Variants in PRKD1 observed in about 807,000 individuals in gnomAD.
PRKD1 encodes protein kinase D1.
PRKD1 carries 63 observed loss-of-function variants against 95.9 expected under a neutral mutation model. That is an observed-to-expected ratio of 0.66 (90% CI 0.54 to 0.81). The LOEUF is 0.81. PRKD1 is among the 30% of genes least tolerant of loss of function. PRKD1 has a pLI of 0.00. For synonymous variants in PRKD1, 425 were observed against 423.1 expected (o/e 1.00, Z -0.05); for missense variants, 1,048 against 1,165.3 (o/e 0.90, Z 1.47).
At chr14:29,577,552 TCTC>T in intron 17 of PRKD1, 96 bp from the exon 18 acceptor site, 1 of 1,184,606 alleles carries the variant, frequency 8.4e-7, no homozygotes, top group Non-Finnish European at 1.2e-6. Context: ...GAGTTACCCT[TCTC>T]CTTCCACTCT....
intron 1 of PRKD1, among the ~76,000 whole-genome samples, chr14:29,850,603 T>A (rs1892271561): frequency 6.6e-6 from 1 of 151,548 alleles, no homozygotes; most frequent in African/African-American, 2.4e-5. Context: ...GGAAAAACAC[T>A]CCTGCTCATG....
chr14:29,875,040 T>C (rs1408222412), intron 1 of PRKD1, among the ~76,000 whole-genome samples: 1 of 152,114 alleles, frequency 6.6e-6, no homozygotes, highest in Admixed American at 6.6e-5. Flanking sequence ...TCCATAAATA[T>C]GTAAAATATG....
chr14:29,876,431 G>C (rs888634095), intron 1 of PRKD1, among the ~76,000 whole-genome samples: 3 of 152,060 alleles, frequency 2.0e-5, no homozygotes, highest in African/African-American at 7.2e-5. Flanking sequence ...TTTGGTGGTA[G>C]ATACACAAAT....
chr14:29,700,986 G>GCACACACACACACACACA (rs779729017), intron 2 of PRKD1, among the ~76,000 whole-genome samples: 3,967 of 52,112 alleles, frequency 0.076, 100 homozygotes, highest in African/African-American at 0.17. Flanking sequence ...GCGCGCGCGC[G>GCACACACACACACACACA]CGCACACACA....
At chr14:29,896,919 G>C (rs1007389427) in intron 1 of PRKD1, among the ~76,000 whole-genome samples, 1 of 151,888 alleles carries the variant, frequency 6.6e-6, no homozygotes, top group South Asian at 2.1e-4. Context: ...AATAATGTAA[G>C]TGCATGTTCT....
intron 16 of PRKD1, among the ~76,000 whole-genome samples, chr14:29,594,872 G>A (rs1010326203): frequency 6.6e-6 from 1 of 152,106 alleles, no homozygotes; most frequent in Non-Finnish European, 1.5e-5. Flanking sequence ...ATAAGATAAT[G>A]GGATAGAACC....
intron 4 of PRKD1, among the ~76,000 whole-genome samples, chr14:29,654,878 C>T (rs1272575325): frequency 1.3e-5 from 2 of 152,194 alleles, no homozygotes; most frequent in Non-Finnish European, 2.9e-5. Context: ...GCATCAGTTT[C>T]TTCCAAGACA....
intron 1 of PRKD1, among the ~76,000 whole-genome samples, chr14:29,799,744 T>C (rs1300162748): frequency 6.6e-6 from 1 of 152,192 alleles, no homozygotes; most frequent in African/African-American, 2.4e-5. Context: ...TAAAATGTAT[T>C]TATGACACCA....
Position 29,577,448 on chromosome 14 carries a change from C to G in PRKD1, c.2529G>C (p.Gln843His), listed in dbSNP as rs772445112. The G allele has an allele frequency of 6.2e-7, 1 of 1,613,452 alleles. No homozygotes were observed. The highest frequency in any genetic ancestry group is 2.2e-5 in the East Asian group (1 of 44,882). Reference protein sequence around the residue: ...TLSHPWLQDYQTWLDLRELEC... With the variant: ...TLSHPWLQDYHTWLDLRELEC... ...CCAGCTCTCGCAAATCTAACCAGGT[C>G]TGATAGTCCTGAAGAAGAAATTCCA... The change falls in exon 18 of 18, where the codon CAG becomes CAC. Residue 843 changes from glutamine to histidine, a missense_variant. Around this residue, in one of 3 missense-constraint regions of PRKD1, gnomAD observed 739 missense variants for 861.9 expected, o/e 0.86. Coordinates refer to ENST00000331968, the MANE Select transcript of PRKD1 (RefSeq NM_002742.3).
chr14:29,777,705 C>A (rs1193911855), intron 1 of PRKD1, among the ~76,000 whole-genome samples: 3 of 151,982 alleles, frequency 2.0e-5, no homozygotes, highest in African/African-American at 4.8e-5. Flanking sequence ...GGAGACTTTA[C>A]CACCCCACTG....
At chr14:29,689,951 C>T (rs181817074) in intron 2 of PRKD1, among the ~76,000 whole-genome samples, 2 of 152,240 alleles carry the variant, frequency 1.3e-5, no homozygotes, top group East Asian at 1.9e-4. Flanking sequence ...GGGAATAACA[C>T]ACACTGGGGC....
chr14:29,631,888 G>A lies in PRKD1; in HGVS notation c.1393-867C>T, dbSNP rs545321116. 4.9e-4 allele frequency among the ~76,000 whole-genome samples: 75 copies of A among 151,700 alleles called. 1 individual carries two copies. The South Asian group carries it at 0.015, about 31-fold the overall frequency. The stretch of plus-strand genomic sequence containing the variant: ...GCAATCCTGGCTCGCTGCAAACTCC[G>A]CCTCCTAGATTAAGGTGATTCTCCT... On this transcript the variant is annotated intron_variant, in intron 9 of 17. Transcript: ENST00000331968.
At chr14:29,638,939 TA>T in intron 4 of PRKD1, 35 bp from the exon 5 acceptor site, 1 of 1,510,064 alleles carries the variant, frequency 6.6e-7, no homozygotes, top group Middle Eastern at 1.9e-4. Context: ...AAGCAAGATG[TA>T]AGAGGCTATT....
At chr14:29,787,215 GTT>G (rs34161174) in intron 1 of PRKD1, among the ~76,000 whole-genome samples, 4,253 of 85,110 alleles carry the variant, frequency 0.05, 54 homozygotes, top group Admixed American at 0.11. Context: ...TTTGTTCAGT[GTT>G]TTTTTTTTTT....
chr14:29,757,633 A>G (rs890767414), intron 1 of PRKD1, among the ~76,000 whole-genome samples: 4 of 151,930 alleles, frequency 2.6e-5, no homozygotes, highest in Non-Finnish European at 5.9e-5. Flanking sequence ...TTTATTATGG[A>G]CAGAAAAATT....
chr14:29,857,936 G>C (rs1389393789), intron 1 of PRKD1, among the ~76,000 whole-genome samples: 2 of 152,134 alleles, frequency 1.3e-5, no homozygotes, highest in Non-Finnish European at 2.9e-5. Flanking sequence ...CCAGAGTGGA[G>C]TCTCCTATCA....
chr14:29,758,464 C>T (rs1201616693), intron 1 of PRKD1, among the ~76,000 whole-genome samples: 1 of 152,132 alleles, frequency 6.6e-6, no homozygotes, highest in Non-Finnish European at 1.5e-5. Flanking sequence ...AACGTAAAGG[C>T]CTGTTCTCTC....
chr14:29,676,896 T>A (rs1883258468), intron 2 of PRKD1, among the ~76,000 whole-genome samples: 1 of 152,308 alleles, frequency 6.6e-6, no homozygotes, highest in African/African-American at 2.4e-5. Context: ...TGGCCACATG[T>A]TGTTATTCCA....
At chr14:29,716,514 C>G (rs756379018) in intron 2 of PRKD1, among the ~76,000 whole-genome samples, 6 of 152,148 alleles carry the variant, frequency 3.9e-5, no homozygotes, top group Non-Finnish European at 8.8e-5. Context: ...GGATATCAAT[C>G]CTCTTTCCTT....
Sources: allele counts gnomAD v4.1 joint callset (sites outside exome capture counted in the v4.1 genomes callset), GRCh38; gene constraint gnomAD v4.1.1; regional missense constraint gnomAD v4.1.1; transcripts MANE v1.5; gene names NCBI Gene and HGNC (gene_info 2026-07-23, HGNC 2026-07-21).